Variants in CSPG4 observed in about 807,000 individuals in gnomAD.
The protein encoded by CSPG4 is chondroitin sulfate proteoglycan 4 (melanoma-associated).
Under a neutral mutation model 139.3 loss-of-function variants are expected in CSPG4, and 74 were observed. That is an observed-to-expected ratio of 0.53 (90% CI 0.44 to 0.64). The LOEUF (loss-of-function observed/expected upper bound fraction) is 0.64. CSPG4 is among the 30% of genes least tolerant of loss of function. CSPG4 has a pLI of 0.00. For synonymous variants in CSPG4, 1,234 were observed against 1,394.2 expected, an observed-to-expected ratio of 0.89 and a Z score of 2.56; for missense variants, 2,565 against 3,148.3, an observed-to-expected ratio of 0.81 and a Z score of 4.43.
chr15:75,677,007 A>C lies in CSPG4; in HGVS notation c.5512T>G (p.Ser1838Ala). 2 of 1,450,594 alleles carry C rather than the reference A, an allele frequency of 1.4e-6. No homozygotes were observed. The highest frequency in any genetic ancestry group is 5.1e-5 in the East Asian group (2 of 39,334). 89.9% of individuals were successfully genotyped at this position (1,450,594 alleles called of 1,614,324 possible). A position where few individuals can be genotyped will look rare whatever the true frequency, so the allele number is the denominator to read the frequency against. The change falls in exon 10 of 10, where the codon TCT becomes GCT. Residue 1838 changes from serine (S) to alanine (A), a missense_variant. Coordinates refer to ENST00000308508, the MANE Select transcript of CSPG4 (RefSeq NM_001897.5). Reference sequence around the variant, plus strand: ...CCTCGGGTGAGCCGGAGTGGGACAGAGGCCTGTGGCTGAGGGGGCCGCTCA... The same window carrying C: ...CCTCGGGTGAGCCGGAGTGGGACAGCGGCCTGTGGCTGAGGGGGCCGCTCA... The part of the protein sequence containing the change: ...VNERPPQPQA[S>A]VPLRLTRGSR...
chr15:75,692,175 G>A (rs534668639), intron 2 of CSPG4, among the ~76,000 whole-genome samples: 1 of 152,234 alleles, frequency 6.6e-6, no homozygotes, highest in African/African-American at 2.4e-5. Flanking sequence ...TTAGAGACAC[G>A]GTTTCACCAT....
chr15:75,676,466 G>C lies in CSPG4; in HGVS notation c.6053C>G (p.Ser2018Cys). The C allele has an allele frequency of 6.2e-7, 1 of 1,614,024 alleles. No homozygotes were observed. The change falls in exon 10 of 10, where the codon TCC (serine) becomes TGC (cysteine). Residue 2018 changes from serine (S) to cysteine (C), a missense_variant. This residue lies in a region of CSPG4 where 2,316 missense variants were observed against 2,818.2 expected (regional missense o/e 0.82). Transcript: ENST00000308508. ...GACTCTGAAGTGGTCATGAGAGGAG[G>C]AGAAGTTGGTGAAGGCAAAGACCAC... ...GEVVFAFTNF[S>C]SSHDHFRVLA...
At chr15:75,711,857 G>C (rs563129612) in intron 1 of CSPG4, among the ~76,000 whole-genome samples, 85 of 152,302 alleles carry the variant, frequency 5.6e-4, no homozygotes, top group African/African-American at 2.0e-3. Flanking sequence ...TTCTGGCATC[G>C]GGACAGAGAG....
At chr15:75,682,179 A>C in intron 8 of CSPG4, 114 bp downstream of exon 8, 2 of 1,329,904 alleles carry the variant, frequency 1.5e-6, no homozygotes, top group African/African-American at 1.4e-5. Context: ...AGGCCCGGGA[A>C]CGTCTGCTGC....
Position 75,675,532 on chromosome 15 carries a change from C to T in CSPG4, c.*18G>A. ...AGCCTGTCCCTGGCCCGATCAGCATCTGGGCCCAGGCCAGGCCTCACACCC... is the reference window on the plus strand; with the variant it reads ...AGCCTGTCCCTGGCCCGATCAGCATTTGGGCCCAGGCCAGGCCTCACACCC... On this transcript the variant is annotated 3_prime_UTR_variant, in exon 10 of 10. Transcript: ENST00000308508. 6.8e-7 allele frequency: 1 copy of T among 1,473,706 alleles called. No homozygotes were observed. Among genetic ancestry groups the T allele is most frequent in the Non-Finnish European group, 9.0e-7 (1 of 1,111,128 alleles). 91.3% of individuals were successfully genotyped at this position (1,473,706 alleles called of 1,614,324 possible). A position where few individuals can be genotyped will look rare whatever the true frequency, so the allele number is the denominator to read the frequency against.
Position 75,712,830 on chromosome 15 carries a change from C to A in CSPG4, c.-75G>T. The A allele has an allele frequency of 1.5e-6, 2 of 1,311,022 alleles. No individual in the cohort carries two copies. Among genetic ancestry groups the A allele is most frequent in the Non-Finnish European group, 2.0e-6 (2 of 984,454 alleles). The allele number at this position is 1,311,022 out of a possible 1,614,324, so 81.2% of individuals were successfully genotyped here. ...AGCTGGGAGCTGAGTGGAGCGAGCG[C>A]GGCTCTGCTCCTGGGCGCGGGCCGG... is the stretch of plus-strand genomic sequence containing the variant. On this transcript the variant is annotated 5_prime_UTR_variant, in exon 1 of 10. Transcript: ENST00000308508.
At chr15:75,695,836 AG>A (rs1317954664) in intron 1 of CSPG4, among the ~76,000 whole-genome samples, 2 of 152,190 alleles carry the variant, frequency 1.3e-5, no homozygotes, top group Non-Finnish European at 2.9e-5. Flanking sequence ...TGAGACTGGC[AG>A]GAAGTACACA....
chr15:75,678,898 C>T (rs551687880), intron 8 of CSPG4: 5 of 406,232 alleles, frequency 1.2e-5, no homozygotes, highest in South Asian at 3.5e-5. Flanking sequence ...GCACTGGTGC[C>T]GCCAAGCAAC....
intron 1 of CSPG4, among the ~76,000 whole-genome samples, chr15:75,695,262 G>A (rs1305230115): frequency 6.6e-6 from 1 of 152,182 alleles, no homozygotes; most frequent in Non-Finnish European, 1.5e-5. Context: ...TCTGGGCCAG[G>A]CAGGAACTGA....
At position 75,677,223 on chromosome 15, in the gene CSPG4, G is replaced by T. The variant is rs1380829356; in HGVS notation, c.5296C>A (p.Pro1766Thr). 5 of 1,474,596 alleles carry T rather than the reference G, an allele frequency of 3.4e-6. No individual in the cohort carries two copies. Among genetic ancestry groups the T allele is most frequent in the Non-Finnish European group, 1.8e-6 (2 of 1,108,784 alleles). 91.3% of individuals were successfully genotyped at this position (1,474,596 alleles called of 1,614,324 possible). A position where few individuals can be genotyped will look rare whatever the true frequency, so the allele number is the denominator to read the frequency against. The change falls in exon 10 of 10, where the codon CCC becomes ACC. Residue 1766 changes from proline to threonine, a missense_variant. Pro to Thr is a conservative substitution (Grantham distance 38, BLOSUM62 -1). Coordinates refer to ENST00000308508, the MANE Select transcript of CSPG4 (RefSeq NM_001897.5). ...AAGTGGGGCTGCCCAGCATGGAGGG[G>T]CTCCTCGGACACCAACAGCTGGCCC... is the stretch of plus-strand genomic sequence containing the variant. ...SRGQLLVSEE[P>T]LHAGQPHFLQ...
Position 75,696,475 on chromosome 15 carries a change from G to A in CSPG4, c.89-3242C>T, listed in dbSNP as rs565067436. 6.6e-6 allele frequency among the ~76,000 whole-genome samples: 1 copy of A among 152,098 alleles called. No homozygotes were observed. Among genetic ancestry groups the A allele is most frequent in the African/African-American group, 2.4e-5 (1 of 41,406 alleles). Reference sequence around the variant, plus strand: ...AAGCATGTGGGTGGCTGCTGGGGGTGTGCTTTGGGTTTGCGTAAGGCTGTG... The same window carrying A: ...AAGCATGTGGGTGGCTGCTGGGGGTATGCTTTGGGTTTGCGTAAGGCTGTG... On this transcript the variant is annotated intron_variant, in intron 1 of 9. Transcript: ENST00000308508. This position sits in a 1 kb window ranked among gnomAD's most constrained non-coding sequence, Gnocchi z 4.2.
chr15:75,689,354 T>C lies in CSPG4; in HGVS notation c.1711A>G (p.Lys571Glu). The C allele has an allele frequency of 6.2e-7, 1 of 1,611,998 alleles. No individual in the cohort carries two copies. Among genetic ancestry groups the C allele is most frequent in the Non-Finnish European group, 8.5e-7 (1 of 1,179,840 alleles). The change falls in exon 3 of 10, where the codon AAG becomes GAG. Residue 571 changes from lysine (K) to glutamate (E), a missense_variant. Around this residue, in one of 5 missense-constraint regions of CSPG4, gnomAD observed 2,316 missense variants for 2,818.2 expected, o/e 0.82. Transcript: ENST00000308508. ...SLMVILEHTQ[K>E]PLGPEVFQAY... ...TGGAAAACCTCAGGCCCCAGCGGCT[T>C]CTGCGTGTGTTCCAGGATCACCATG... is the stretch of plus-strand genomic sequence containing the variant.
In CSPG4 at chr15:75,698,487, C is replaced by T. The variant is rs184919541; in HGVS notation, c.89-5254G>A. Among the ~76,000 whole-genome samples the T allele has an allele frequency of 4.6e-5, 7 of 151,902 alleles. No homozygotes were observed. The highest frequency in any genetic ancestry group is 7.3e-5 in the African/African-American group (3 of 41,310). On this transcript the variant is annotated intron_variant, in intron 1 of 9. Coordinates refer to ENST00000308508, the MANE Select transcript of CSPG4 (RefSeq NM_001897.5). The surrounding 1 kb of genome is among the most constrained non-coding windows in gnomAD (Gnocchi z 4.3). ...CCCCTTGCACCTCCAAGGGACTCCC[C>T]GATTTTACTTCCGCCACCAATCTAC...
chr15:75,676,541 C>G lies in CSPG4; in HGVS notation c.5978G>C (p.Gly1993Ala). ...GCTGAAGGCCGAGGTGGGCCGCCCGCCCACCAGGAGATGCCCATACTGGGG... is the reference window on the plus strand; with the variant it reads ...GCTGAAGGCCGAGGTGGGCCGCCCGGCCACCAGGAGATGCCCATACTGGGG... ...QGPQYGHLLV[G>A]GRPTSAFSQF... Residue 1993 changes from glycine to alanine, a missense_variant, in exon 10 of 10, where the codon GGC (glycine) becomes GCC (alanine). Coordinates refer to ENST00000308508, the MANE Select transcript of CSPG4 (RefSeq NM_001897.5). 1 of 1,613,760 alleles carries G rather than the reference C, an allele frequency of 6.2e-7. No individual in the cohort carries two copies. The highest frequency in any genetic ancestry group is 1.3e-5 in the African/African-American group (1 of 75,070).
intron 1 of CSPG4, among the ~76,000 whole-genome samples, chr15:75,704,783 C>T (rs1465268957): frequency 1.3e-5 from 2 of 152,184 alleles, no homozygotes; most frequent in African/African-American, 4.8e-5. Flanking sequence ...CAGCCCAGAG[C>T]GGAGAGGGCT....
intron 3 of CSPG4, 69 bp from the exon 4 acceptor site, chr15:75,685,770 C>T: frequency 1.3e-6 from 2 of 1,484,330 alleles, no homozygotes; most frequent in Non-Finnish European, 1.8e-6. Flanking sequence ...CCACTGTGGC[C>T]CTAAGAAGCC....
intron 1 of CSPG4, among the ~76,000 whole-genome samples, chr15:75,705,871 ATGTG>A (rs1275576648): frequency 6.6e-6 from 1 of 151,814 alleles, no homozygotes; most frequent in Non-Finnish European, 1.5e-5. Flanking sequence ...CTGTGTGCAT[ATGTG>A]TGTGTCTGTG....
intron 1 of CSPG4, among the ~76,000 whole-genome samples, chr15:75,694,135 G>A (rs2141433148): frequency 6.6e-6 from 1 of 152,388 alleles, no homozygotes; most frequent in South Asian, 2.1e-4. Flanking sequence ...GCTGAAGACA[G>A]GGCTTGGGAG....
chr15:75,676,206 C>T lies in CSPG4; in HGVS notation c.6313G>A (p.Gly2105Arg), dbSNP rs201364570. The T allele has an allele frequency of 8.6e-4, 1,327 of 1,551,046 alleles. 2 individuals carry two copies. The highest frequency in any genetic ancestry group is 1.0e-3 in the Non-Finnish European group (1,204 of 1,155,108). Residue 2105 changes from glycine to arginine, a missense_variant, in exon 10 of 10, where the codon GGG becomes AGG. Coordinates refer to ENST00000308508, the MANE Select transcript of CSPG4 (RefSeq NM_001897.5). Reference protein sequence around the residue: ...VRVPRARTEPGGSQLVEQFTQ... With the variant: ...VRVPRARTEPRGSQLVEQFTQ... ...AACTGCTCCACCAGCTGGCTGCCCC[C>T]GGGCTCCGTCCTGGCTCGGGGCACG... is the stretch of plus-strand genomic sequence containing the variant.
Sources: allele counts gnomAD v4.1 joint callset (sites outside exome capture counted in the v4.1 genomes callset), GRCh38; gene constraint gnomAD v4.1.1; regional missense constraint gnomAD v4.1.1; non-coding constraint Gnocchi (gnomAD v3.1); transcripts MANE v1.5; gene names NCBI Gene and HGNC (gene_info 2026-07-23, HGNC 2026-07-21).